Variants in MAGI2 observed in about 807,000 individuals in gnomAD.
MAGI2 encodes membrane associated guanylate kinase, WW and PDZ domain containing 2, also known as membrane-associated guanylate kinase, WW and PDZ domain-containing protein 2.
In MAGI2, 35 loss-of-function variants were observed where a neutral mutation model predicts 133.3. The ratio of observed to expected loss-of-function variants is 0.26; its 90% CI spans 0.20 to 0.35. The LOEUF (loss-of-function observed/expected upper bound fraction) is 0.35, where lower values mean the gene tolerates loss of function less well. MAGI2 is among the 10% of genes least tolerant of loss of function. MAGI2 has a pLI of 1.00. For missense variants in MAGI2, 1,636 were observed against 1,863.4 expected (o/e 0.88, Z 2.25); for synonymous variants, 729 against 710.6 (o/e 1.03, Z -0.41).
At chr7:78,052,579 T>G (rs1342570226) in intron 21 of MAGI2, among the ~76,000 whole-genome samples, 1 of 152,246 alleles carries the variant, frequency 6.6e-6, no homozygotes, top group Non-Finnish European at 1.5e-5. Context: ...CAGCCAGGCA[T>G]CCTGGACCAT....
At chr7:78,876,080 TG>T (rs1251630600) in intron 2 of MAGI2, among the ~76,000 whole-genome samples, 1 of 152,016 alleles carries the variant, frequency 6.6e-6, no homozygotes, top group Admixed American at 6.6e-5. Context: ...TCCAGCACCT[TG>T]GGAGGCCAAG....
chr7:78,159,989 C>A (rs1181437081), intron 16 of MAGI2, 36 bp downstream of exon 16: 2 of 1,523,982 alleles, frequency 1.3e-6, no homozygotes, highest in Non-Finnish European at 1.8e-6. Context: ...CAAAACAAGA[C>A]CCCTTATTCA....
At chr7:78,995,011 A>G (rs376655501) in intron 2 of MAGI2, among the ~76,000 whole-genome samples, 5 of 152,158 alleles carry the variant, frequency 3.3e-5, no homozygotes, top group African/African-American at 1.2e-4. Context: ...AAAGTCTAGT[A>G]GAGCTGACAT....
chr7:78,547,446 T>C (rs904821538), intron 3 of MAGI2, among the ~76,000 whole-genome samples: 1 of 152,234 alleles, frequency 6.6e-6, no homozygotes, highest in African/African-American at 2.4e-5. Context: ...TTGCGGTGTA[T>C]TGGTATGATT....
intron 18 of MAGI2, among the ~76,000 whole-genome samples, chr7:78,132,645 A>G (rs187703063): frequency 6.6e-6 from 1 of 152,202 alleles, no homozygotes; most frequent in Non-Finnish European, 1.5e-5. Flanking sequence ...AGCCCTACTC[A>G]TCTGCAACTG....
chr7:78,227,850 T>TTTGTGTGTGTGTGTGTGTGTG (rs10630131), intron 10 of MAGI2, among the ~76,000 whole-genome samples: 1 of 145,544 alleles, frequency 6.9e-6, no homozygotes, highest in Non-Finnish European at 1.5e-5. Flanking sequence ...TCTTACTCAG[T>TTTGTGTGTGTGTGTGTGTGTG]TGTGTGTGTG....
chr7:79,377,348 T>C (rs1843449595), intron 1 of MAGI2, among the ~76,000 whole-genome samples: 1 of 151,692 alleles, frequency 6.6e-6, no homozygotes, highest in African/African-American at 2.4e-5. Flanking sequence ...TACACGGTAG[T>C]CTTGTGAAAT....
chr7:78,505,496 A>G (rs1167183261), intron 4 of MAGI2, among the ~76,000 whole-genome samples: 1 of 152,208 alleles, frequency 6.6e-6, no homozygotes, highest in East Asian at 1.9e-4. Context: ...GGCATATTTC[A>G]ACATGTAATT....
At chr7:78,078,730 C>A (rs988123678) in intron 21 of MAGI2, 1 of 605,462 alleles carries the variant, frequency 1.7e-6, no homozygotes, top group Non-Finnish European at 2.9e-6. Context: ...ATGGAGGGAG[C>A]AAAAGAAAGA....
chr7:79,159,505 G>A (rs1348356843), intron 1 of MAGI2, among the ~76,000 whole-genome samples: 1 of 121,934 alleles, frequency 8.2e-6, no homozygotes, highest in African/African-American at 3.2e-5. Flanking sequence ...ATGACAGAGT[G>A]AGACTCAGTC....
At chr7:78,167,324 A>T (rs1194426862) in intron 15 of MAGI2, among the ~76,000 whole-genome samples, 1 of 152,228 alleles carries the variant, frequency 6.6e-6, no homozygotes, top group African/African-American at 2.4e-5. Context: ...TTTGAAAAGT[A>T]TGTCTTTGGT....
chr7:79,269,261 C>T (rs568380606), intron 1 of MAGI2, among the ~76,000 whole-genome samples: 2 of 152,208 alleles, frequency 1.3e-5, no homozygotes, highest in African/African-American at 4.8e-5. Flanking sequence ...CAACTCAATC[C>T]CTAGTGGAAC....
At chr7:79,056,098 A>T (rs1813123473) in intron 1 of MAGI2, among the ~76,000 whole-genome samples, 1 of 152,118 alleles carries the variant, frequency 6.6e-6, no homozygotes, top group Admixed American at 6.6e-5. Flanking sequence ...AAATGAGAGA[A>T]CCCTTGCACA....
At chr7:78,837,151 C>T (rs545363500) in intron 2 of MAGI2, among the ~76,000 whole-genome samples, 170 of 152,254 alleles carry the variant, frequency 1.1e-3, no homozygotes, top group African/African-American at 3.8e-3. Flanking sequence ...GGGCCTCAGC[C>T]TTGTTAACTC....
chr7:78,952,616 T>C (rs56178405), intron 2 of MAGI2, among the ~76,000 whole-genome samples: 2,086 of 150,546 alleles, frequency 0.014, 54 homozygotes, highest in African/African-American at 0.048. Context: ...GTGATATTCA[T>C]TTGTTGCTAA....
chr7:78,840,777 G>A (rs1030952171), intron 2 of MAGI2, among the ~76,000 whole-genome samples: 2 of 151,652 alleles, frequency 1.3e-5, no homozygotes, highest in African/African-American at 4.8e-5. Context: ...TTAAATCTCA[G>A]CTTTAACATT....
chr7:79,298,885 G>A (rs976266295), intron 1 of MAGI2, among the ~76,000 whole-genome samples: 2 of 152,076 alleles, frequency 1.3e-5, no homozygotes, highest in Non-Finnish European at 2.9e-5. Flanking sequence ...ATATCTACAC[G>A]CCAAGAAGAG....
At chr7:78,491,908 TG>T (rs1793654085) in intron 5 of MAGI2, among the ~76,000 whole-genome samples, 1 of 151,200 alleles carries the variant, frequency 6.6e-6, no homozygotes, top group Non-Finnish European at 1.5e-5. Context: ...TGTGTGTGTG[TG>T]TGTGTGTGTG....
rs929325103 is a variant in MAGI2, at chr7:78,438,317, A to AT, written c.1045+51443dup. 3.9e-5 allele frequency among the ~76,000 whole-genome samples: 6 copies of AT among 152,204 alleles called. 1 individual carries two copies. The highest frequency in any genetic ancestry group is 9.6e-5 in the African/African-American group (4 of 41,530). On this transcript the variant is annotated intron_variant, in intron 6 of 21. Coordinates refer to ENST00000354212, the MANE Select transcript of MAGI2 (RefSeq NM_012301.4). ...GCCCATTAGGTTCCTTGAGATATGA[A>AT]TTTTTTAAAAGCTTAAGATGTGAAT... is the stretch of plus-strand genomic sequence containing the variant.
Sources: allele counts gnomAD v4.1 joint callset (sites outside exome capture counted in the v4.1 genomes callset), GRCh38; gene constraint gnomAD v4.1.1; transcripts MANE v1.5; gene names NCBI Gene and HGNC (gene_info 2026-07-23, HGNC 2026-07-21).